Variants in HS6ST2 observed in about 807,000 individuals in gnomAD.
HS6ST2 encodes heparan-sulfate 6-O-sulfotransferase 2.
Under a neutral mutation model 33.0 loss-of-function variants are expected in HS6ST2, and 17 were observed. The observed-to-expected ratio is 0.52, with a 90% CI of 0.35 to 0.77. The LOEUF is 0.77. HS6ST2 is among the 30% of genes least tolerant of loss of function. The probability of loss-of-function intolerance (pLI) is 0.01; values close to 1 mark genes in which losing one functional copy is unlikely to be tolerated. For synonymous variants in HS6ST2, 248 were observed against 237.1 expected (o/e 1.05, Z -0.42); for missense variants, 519 against 551.7 (o/e 0.94, Z 0.59).
chrX:132,922,277 C>T (rs1262601976), intron 2 of HS6ST2, among the ~76,000 whole-genome samples: 7 of 111,233 alleles, frequency 6.3e-5, no homozygotes, highest in Admixed American at 1.9e-4. Flanking sequence ...GGTGTGGTGG[C>T]GGGCACCTGT....
chrX:132,705,459 T>G (rs1318082421), intron 3 of HS6ST2, among the ~76,000 whole-genome samples: 3 of 111,146 alleles, frequency 2.7e-5, no homozygotes, highest in Non-Finnish European at 5.7e-5. Flanking sequence ...AATATGCATG[T>G]GTACAGGTGT....
At chrX:132,868,789 A>G (rs949985942) in intron 2 of HS6ST2, among the ~76,000 whole-genome samples, 1 of 111,871 alleles carries the variant, frequency 8.9e-6, no homozygotes, top group Non-Finnish European at 1.9e-5. Context: ...CAGTGTTTAG[A>G]AGGAAATTTA....
intron 2 of HS6ST2, among the ~76,000 whole-genome samples, chrX:132,853,372 T>G (rs1307171600): frequency 9.4e-6 from 1 of 106,620 alleles, no homozygotes; most frequent in Non-Finnish European, 1.9e-5. Context: ...TTGCCCAGGC[T>G]TGTCTTGAAT....
intron 2 of HS6ST2, among the ~76,000 whole-genome samples, chrX:132,936,584 G>C (rs900693823): frequency 2.7e-5 from 3 of 111,908 alleles, no homozygotes; most frequent in African/African-American, 9.7e-5. Context: ...TTTATTCTAA[G>C]CAAATTAACA....
At chrX:132,739,871 TA>T (rs1228988426) in intron 2 of HS6ST2, among the ~76,000 whole-genome samples, 9 of 112,060 alleles carry the variant, frequency 8.0e-5, no homozygotes, top group African/African-American at 2.6e-4. Flanking sequence ...AATTGCTATG[TA>T]ATATTCTAGC....
intron 2 of HS6ST2, among the ~76,000 whole-genome samples, chrX:132,922,853 A>G (rs775232987): frequency 9.0e-6 from 1 of 111,430 alleles, no homozygotes; most frequent in East Asian, 2.8e-4. Context: ...ACTTGAGGCC[A>G]GGAATTTGAG....
intron 3 of HS6ST2, among the ~76,000 whole-genome samples, chrX:132,701,113 C>T (rs1171737228): frequency 8.9e-6 from 1 of 112,320 alleles, no homozygotes; most frequent in Non-Finnish European, 1.9e-5. Flanking sequence ...GGATAGGATT[C>T]AGTTGACTTG....
At chrX:132,909,138 T>G (rs1445294544) in intron 2 of HS6ST2, among the ~76,000 whole-genome samples, 9 of 111,559 alleles carry the variant, frequency 8.1e-5, no homozygotes, top group Non-Finnish European at 1.7e-4. Context: ...TGGGTAGCTA[T>G]GAGGTGTTAC....
At chrX:132,865,700 G>C (rs1413526850) in intron 2 of HS6ST2, among the ~76,000 whole-genome samples, 1 of 112,265 alleles carries the variant, frequency 8.9e-6, no homozygotes, top group Non-Finnish European at 1.9e-5. Context: ...TCTCATTGTG[G>C]TTTTGATTGG....
At chrX:132,634,168 A>G (rs990308233) in intron 4 of HS6ST2, among the ~76,000 whole-genome samples, 3 of 112,223 alleles carry the variant, frequency 2.7e-5, no homozygotes, top group African/African-American at 9.7e-5. Flanking sequence ...TATCTTCACC[A>G]TACTTTCCTG....
chrX:132,958,708 T>C, upstream of HS6ST2: 2 of 799,665 alleles, frequency 2.5e-6, no homozygotes, highest in Non-Finnish European at 3.5e-6. Context: ...GCAGAGAACC[T>C]GGGTTTTCTC....
chrX:132,634,837 C>A (rs539699220), intron 4 of HS6ST2, among the ~76,000 whole-genome samples: 142 of 111,166 alleles, frequency 1.3e-3, no homozygotes, highest in South Asian at 7.7e-3. Context: ...TCACATGGCC[C>A]CTGAGGTATA....
intron 2 of HS6ST2, among the ~76,000 whole-genome samples, chrX:132,759,371 G>C (rs929061): frequency 0.5 from 55,548 of 110,266 alleles, 10,413 homozygotes; most frequent in African/African-American, 0.57. Flanking sequence ...CAGAATATCA[G>C]AGTATATTTC....
chrX:132,675,143 T>C (rs1159888444), intron 3 of HS6ST2, among the ~76,000 whole-genome samples: 1 of 110,550 alleles, frequency 9.0e-6, no homozygotes, highest in Non-Finnish European at 1.9e-5. Flanking sequence ...ACGGATTCAG[T>C]TTGGGGCCTA....
chrX:132,819,735 A>T (rs2065433544), intron 2 of HS6ST2, among the ~76,000 whole-genome samples: 1 of 111,970 alleles, frequency 8.9e-6, no homozygotes, highest in Admixed American at 9.5e-5. Flanking sequence ...TCCCAGAGCC[A>T]AGCACTTGAC....
At chrX:132,911,826 A>G (rs1354859580) in intron 2 of HS6ST2, among the ~76,000 whole-genome samples, 3 of 110,289 alleles carry the variant, frequency 2.7e-5, no homozygotes, top group African/African-American at 9.9e-5. Context: ...TTTAGTAGAG[A>G]CAGGGTTTCA....
chrX:132,932,180 C>T (rs1229125235), intron 2 of HS6ST2, among the ~76,000 whole-genome samples: 1 of 84,361 alleles, frequency 1.2e-5, no homozygotes, highest in Non-Finnish European at 2.5e-5. Context: ...AGCAAGACTC[C>T]ACCTCAAAAA....
chrX:132,849,398 C>G (rs778186649), intron 2 of HS6ST2, among the ~76,000 whole-genome samples: 2 of 111,651 alleles, frequency 1.8e-5, no homozygotes, highest in East Asian at 2.8e-4. Flanking sequence ...ACACAATTAC[C>G]TTTTCAAATA....
intron 2 of HS6ST2, among the ~76,000 whole-genome samples, chrX:132,945,154 A>G (rs1490597728): frequency 8.9e-6 from 1 of 112,385 alleles, no homozygotes; most frequent in Admixed American, 9.4e-5. Flanking sequence ...AAACAGATTT[A>G]CAAGAAAAAA....
Sources: gnomAD v4.1 joint callset for allele counts (sites outside exome capture counted in the v4.1 genomes callset) on GRCh38, gnomAD v4.1.1 for gene constraint, MANE v1.5 for transcripts, NCBI Gene and HGNC (gene_info 2026-07-23, HGNC 2026-07-21) for gene names.